Variants in ANKRD33B observed in about 807,000 individuals in gnomAD.
ANKRD33B encodes the protein ankyrin repeat domain-containing protein 33B.
ANKRD33B carries 6 observed loss-of-function variants against 21.5 expected under a neutral mutation model. The observed-to-expected ratio is 0.28, with a 90% CI of 0.15 to 0.55. The LOEUF (loss-of-function observed/expected upper bound fraction) is 0.55, where lower values mean the gene tolerates loss of function less well. ANKRD33B is among the 20% of genes least tolerant of loss of function. The pLI is 0.94. For synonymous variants in ANKRD33B, 347 were observed against 342.4 expected (o/e 1.01, Z -0.15); for missense variants, 698 against 747.2 (o/e 0.93, Z 0.77).
At chr5:10,649,212 G>A in intron 3 of ANKRD33B, 54 bp from the exon 4 acceptor site, 1 of 1,476,970 alleles carries the variant, frequency 6.8e-7, no homozygotes, top group East Asian at 2.5e-5. Context: ...CTGCCTGGGA[G>A]GGAAGAGTCC....
rs754147264 is a variant in ANKRD33B, at chr5:10,628,630, C to CCTTG, written c.497-9396_497-9393dup. Among the ~76,000 whole-genome samples the CCTTG allele has an allele frequency of 2.0e-5, 3 of 152,198 alleles. No individual in the cohort carries two copies. The South Asian group carries it at 6.2e-4, about 31-fold the overall frequency. On this transcript the variant is annotated intron_variant, in intron 2 of 3. Coordinates refer to ENST00000296657, the MANE Select transcript of ANKRD33B (RefSeq NM_001164440.2). ...CTGCTGGGATTACAGGCACGAGCCA[C>CCTTG]CTTGCCCACCCTGATACTTTCAATA...
rs1384695908 is a variant in ANKRD33B, at chr5:10,576,720, C to A, written c.366+11887C>A. ...GATGGTTTTCCAGTACTGCTAGTTCCATTTTAGCCAAGGGGAAAAGTGGAA... is the reference window on the plus strand; with the variant it reads ...GATGGTTTTCCAGTACTGCTAGTTCAATTTTAGCCAAGGGGAAAAGTGGAA... On this transcript the variant is annotated intron_variant, in intron 1 of 3. Coordinates refer to ENST00000296657, the MANE Select transcript of ANKRD33B (RefSeq NM_001164440.2). This position sits in a 1 kb window ranked among gnomAD's most constrained non-coding sequence, Gnocchi z 4.1. Among the ~76,000 whole-genome samples, 3 of 152,214 alleles carry A rather than the reference C, an allele frequency of 2.0e-5. No homozygotes were observed. Among genetic ancestry groups the A allele is most frequent in the Non-Finnish European group, 4.4e-5 (3 of 68,038 alleles).
At chr5:10,643,332 C>T (rs1006339140) in intron 3 of ANKRD33B, among the ~76,000 whole-genome samples, 1 of 152,134 alleles carries the variant, frequency 6.6e-6, no homozygotes, top group Non-Finnish European at 1.5e-5. Flanking sequence ...TGTAGCACCT[C>T]TTCAGTTGTG....
At chr5:10,615,682 A>G (rs1444548940) in intron 1 of ANKRD33B, among the ~76,000 whole-genome samples, 1 of 152,252 alleles carries the variant, frequency 6.6e-6, no homozygotes, top group African/African-American at 2.4e-5. Context: ...TTTTTCTGCA[A>G]TAAATATGAA....
Position 10,654,283 on chromosome 5 carries a change from G to A in ANKRD33B, c.*4170G>A, listed in dbSNP as rs1737430150. Reference sequence around the variant, plus strand: ...TTTGCTCGGAAGGGAGACCTGGTTTGCTCTCCTCCATGACAGCCCAGCCCC... The same window carrying A: ...TTTGCTCGGAAGGGAGACCTGGTTTACTCTCCTCCATGACAGCCCAGCCCC... On this transcript the variant is annotated 3_prime_UTR_variant, in exon 4 of 4. Transcript: ENST00000296657. 6.6e-6 allele frequency: 1 copy of A among 152,386 alleles called. No individual in the cohort carries two copies. Among genetic ancestry groups the A allele is most frequent in the Non-Finnish European group, 1.5e-5 (1 of 68,072 alleles). 9.4% of individuals were successfully genotyped at this position (152,386 alleles called of 1,614,324 possible).
chr5:10,599,867 T>C (rs60484511), intron 1 of ANKRD33B, among the ~76,000 whole-genome samples: 54,516 of 152,176 alleles, frequency 0.36, 11,276 homozygotes, highest in East Asian at 0.61. Context: ...AATTACTGGA[T>C]CATGTGGCAA....
At chr5:10,616,785 T>A (rs1736293855) in intron 1 of ANKRD33B, among the ~76,000 whole-genome samples, 1 of 152,232 alleles carries the variant, frequency 6.6e-6, no homozygotes, top group South Asian at 2.1e-4. Flanking sequence ...TACGCTGTTT[T>A]CCTTTGTTAC....
intron 2 of ANKRD33B, among the ~76,000 whole-genome samples, chr5:10,630,323 G>A (rs1046965448): frequency 7.2e-5 from 11 of 152,216 alleles, no homozygotes; most frequent in Admixed American, 6.5e-4. Context: ...TGGGAGCAGC[G>A]AGCCAGCCTG....
At chr5:10,623,697 C>T (rs953463081) in intron 2 of ANKRD33B, among the ~76,000 whole-genome samples, 5 of 152,184 alleles carry the variant, frequency 3.3e-5, no homozygotes, top group South Asian at 2.1e-4. Context: ...CAGGGGTAGC[C>T]GTGCTGCCAG....
intron 1 of ANKRD33B, among the ~76,000 whole-genome samples, chr5:10,601,828 A>T (rs1735939625): frequency 6.6e-6 from 1 of 152,156 alleles, no homozygotes; most frequent in Non-Finnish European, 1.5e-5. Context: ...ATATCTCGAG[A>T]TCTGCCCTTC....
chr5:10,651,767 C>G lies in ANKRD33B; in HGVS notation c.*1654C>G, dbSNP rs1270581837. 1 of 152,462 alleles carries G rather than the reference C, an allele frequency of 6.6e-6. No individual in the cohort carries two copies. The highest frequency in any genetic ancestry group is 2.4e-5 in the African/African-American group (1 of 41,434). The allele number at this position is 152,462 out of a possible 1,614,324, so 9.4% of individuals were successfully genotyped here. ...GCAGGCTTCTCCATACTCCCTTCCA[C>G]TTGGCACCAGCAGGCATCGAGCAAC... On this transcript the variant is annotated 3_prime_UTR_variant, in exon 4 of 4. Transcript: ENST00000296657.
At chr5:10,586,485 CTG>C (rs55940283) in intron 1 of ANKRD33B, among the ~76,000 whole-genome samples, 5,466 of 140,402 alleles carry the variant, frequency 0.039, 156 homozygotes, top group African/African-American at 0.078. Flanking sequence ...GTTCTTGTAA[CTG>C]TGTGTGTGTG....
intron 2 of ANKRD33B, among the ~76,000 whole-genome samples, chr5:10,637,204 T>C (rs1736887483): frequency 1.3e-5 from 2 of 152,198 alleles, no homozygotes; most frequent in Admixed American, 1.3e-4. Context: ...GGGAGAATCC[T>C]GGAAACAGCA....
intron 1 of ANKRD33B, among the ~76,000 whole-genome samples, chr5:10,588,627 A>G (rs1474772206): frequency 6.6e-6 from 1 of 152,228 alleles, no homozygotes; most frequent in African/African-American, 2.4e-5. Flanking sequence ...TGACTTGTGT[A>G]ACTTTTGGCC....
chr5:10,632,568 C>T (rs1736751035), intron 2 of ANKRD33B, among the ~76,000 whole-genome samples: 1 of 152,138 alleles, frequency 6.6e-6, no homozygotes, highest in Non-Finnish European at 1.5e-5. Context: ...GAATCAAGCA[C>T]TCCTCTCCCT....
At position 10,656,937 on chromosome 5, in the gene ANKRD33B, A is replaced by G. The variant is rs1293576663; in HGVS notation, c.*6824A>G. ...ACACAGTTCAGTTTTTGAGGGAACTAGTTTTGTCATAATACTACACCCCTC... is the reference window on the plus strand; with the variant it reads ...ACACAGTTCAGTTTTTGAGGGAACTGGTTTTGTCATAATACTACACCCCTC... On this transcript the variant is annotated 3_prime_UTR_variant, in exon 4 of 4. Coordinates refer to ENST00000296657, the MANE Select transcript of ANKRD33B (RefSeq NM_001164440.2). The G allele has an allele frequency of 6.6e-6, 1 of 151,982 alleles. No individual in the cohort carries two copies. The highest frequency in any genetic ancestry group is 2.4e-5 in the African/African-American group (1 of 41,308). 9.4% of individuals were successfully genotyped at this position (151,982 alleles called of 1,614,324 possible).
chr5:10,611,762 A>G (rs1211257540), intron 1 of ANKRD33B, among the ~76,000 whole-genome samples: 2 of 152,206 alleles, frequency 1.3e-5, no homozygotes, highest in Admixed American at 6.5e-5. Flanking sequence ...ATTTCAAGGA[A>G]AATAGATGGC....
Position 10,566,923 on chromosome 5 carries a change from T to C in ANKRD33B, c.366+2090T>C, listed in dbSNP as rs143662608. ...TGTTTACCATCGTGTTTCTCATTCG[T>C]CTGCCTTCTCTTGGCTTGGAAGAGA... On this transcript the variant is annotated intron_variant, in intron 1 of 3. Transcript: ENST00000296657. Among the ~76,000 whole-genome samples, 734 of 152,392 alleles carry C rather than the reference T, an allele frequency of 4.8e-3. 3 individuals carry two copies. The highest frequency in any genetic ancestry group is 0.017 in the African/African-American group (689 of 41,592).
intron 1 of ANKRD33B, among the ~76,000 whole-genome samples, chr5:10,606,864 G>A (rs1003273683): frequency 5.3e-5 from 8 of 151,670 alleles, no homozygotes; most frequent in Admixed American, 3.9e-4. Context: ...GAGTAGTTGC[G>A]ATTACAGGTG....
Sources: allele counts gnomAD v4.1 joint callset (sites outside exome capture counted in the v4.1 genomes callset), GRCh38; gene constraint gnomAD v4.1.1; non-coding constraint Gnocchi (gnomAD v3.1); transcripts MANE v1.5; gene names NCBI Gene and HGNC (gene_info 2026-07-23, HGNC 2026-07-21).